Variants in PVT1 observed in about 807,000 individuals in gnomAD.
PVT1 encodes Pvt1 oncogene.
At chr8:127,880,687 G>T (rs115191594) in intron 2 of PVT1, among the ~76,000 whole-genome samples, 1,512 of 143,412 alleles carry the variant, frequency 0.011, 28 homozygotes, top group African/African-American at 0.037. Context: ...TGCAACTTCC[G>T]CCTGCTGGGT....
intron 5 of PVT1, among the ~76,000 whole-genome samples, chr8:128,089,102 G>C (rs940247342): frequency 1.3e-5 from 2 of 152,234 alleles, no homozygotes; most frequent in African/African-American, 4.8e-5. Flanking sequence ...AATGAGAGAA[G>C]TTATGTGTGG....
chr8:127,891,800 TC>T (rs962286679), intron 3 of PVT1, among the ~76,000 whole-genome samples: 1 of 152,196 alleles, frequency 6.6e-6, no homozygotes, highest in Non-Finnish European at 1.5e-5. Flanking sequence ...GGTCACAGTT[TC>T]CCTGCAGCCC....
chr8:127,945,485 G>T (rs182574216), intron 3 of PVT1, among the ~76,000 whole-genome samples: 13 of 152,262 alleles, frequency 8.5e-5, no homozygotes, highest in South Asian at 4.1e-4. Flanking sequence ...TCTCATGGGG[G>T]TGATGCCATT....
At chr8:127,901,748 G>GTT (rs60036236) in intron 3 of PVT1, among the ~76,000 whole-genome samples, 6 of 144,604 alleles carry the variant, frequency 4.1e-5, no homozygotes, top group Non-Finnish European at 9.2e-5. Flanking sequence ...TTTGAGAAGA[G>GTT]TTTTTTTTTT....
chr8:128,039,766 A>T (rs1411087959), intron 4 of PVT1, among the ~76,000 whole-genome samples: 1 of 152,188 alleles, frequency 6.6e-6, no homozygotes, highest in Admixed American at 6.5e-5. Flanking sequence ...AGTGGCAAAG[A>T]TGGAAAGACA....
intron 4 of PVT1, among the ~76,000 whole-genome samples, chr8:128,023,905 G>C (rs965180607): frequency 6.6e-6 from 1 of 152,184 alleles, no homozygotes; most frequent in Non-Finnish European, 1.5e-5. Context: ...AAAAAAAACA[G>C]CGGTCCCCAT....
intron 6 of PVT1, among the ~76,000 whole-genome samples, chr8:128,098,803 G>A (rs974068594): frequency 1.3e-5 from 2 of 152,098 alleles, no homozygotes; most frequent in African/African-American, 4.8e-5. Context: ...GTGCACCCTA[G>A]TGCCTTCTGC....
chr8:127,829,625 G>A (rs940660029), intron 2 of PVT1, among the ~76,000 whole-genome samples: 8 of 152,214 alleles, frequency 5.3e-5, no homozygotes, highest in African/African-American at 1.7e-4. Flanking sequence ...AGCTCTGCCA[G>A]TGTGGCAGTA....
chr8:128,091,707 G>A (rs887087654), intron 5 of PVT1, among the ~76,000 whole-genome samples: 1 of 152,140 alleles, frequency 6.6e-6, no homozygotes, highest in Non-Finnish European at 1.5e-5. Flanking sequence ...TACTTATCAG[G>A]ATAATATACA....
chr8:127,846,578 C>T (rs1815036212), intron 2 of PVT1, among the ~76,000 whole-genome samples: 1 of 152,180 alleles, frequency 6.6e-6, no homozygotes, highest in Non-Finnish European at 1.5e-5. Context: ...GCACCCACCA[C>T]CCACGGAGAC....
chr8:127,826,167 C>T (rs1814786993), intron 2 of PVT1, among the ~76,000 whole-genome samples: 1 of 151,938 alleles, frequency 6.6e-6, no homozygotes, highest in African/African-American at 2.4e-5. Flanking sequence ...CCAGCCTATC[C>T]TGTTTACCTA....
intron 2 of PVT1, among the ~76,000 whole-genome samples, chr8:127,845,974 C>T (rs778023747): frequency 1.3e-5 from 2 of 152,208 alleles, no homozygotes; most frequent in African/African-American, 2.4e-5. Flanking sequence ...CTGTTCTTAG[C>T]GGGGTCCCAG....
chr8:127,954,715 T>C (rs7829741), intron 3 of PVT1, among the ~76,000 whole-genome samples: 121 of 152,270 alleles, frequency 7.9e-4, no homozygotes, highest in African/African-American at 2.3e-3. Flanking sequence ...CCCAAAGTCA[T>C]ACAGTGTAGA....
intron 5 of PVT1, among the ~76,000 whole-genome samples, chr8:128,074,701 G>C (rs1182332515): frequency 6.6e-6 from 1 of 152,158 alleles, no homozygotes; most frequent in Non-Finnish European, 1.5e-5. Flanking sequence ...GGTTTTGAAA[G>C]GATTCCGTTA....
chr8:127,888,863 G>C (rs911644138), intron 2 of PVT1, among the ~76,000 whole-genome samples: 5 of 152,200 alleles, frequency 3.3e-5, no homozygotes, highest in Non-Finnish European at 5.9e-5. Context: ...GATCATAAGT[G>C]TGTGCTGTTT....
chr8:127,819,991 C>A (rs565929623), intron 2 of PVT1, among the ~76,000 whole-genome samples: 1 of 152,296 alleles, frequency 6.6e-6, no homozygotes, highest in East Asian at 1.9e-4. Flanking sequence ...TGAGATGATT[C>A]TAAGGGTGAG....
In PVT1 at chr8:127,952,965, CAT is replaced by C. The variant is rs1816524190; in HGVS notation, n.783-36196_783-36195del. Among the ~76,000 whole-genome samples the C allele has an allele frequency of 2.6e-5, 4 of 152,228 alleles. No individual in the cohort carries two copies. In the South Asian group the frequency reaches 8.3e-4, roughly 32 times the overall value. Reference sequence around the variant, plus strand: ...GTTTTTAGTAGAGACGGGGTTTCACCATGTTGGCCAGGATGGTCTCGATCTCC... The same window carrying C: ...GTTTTTAGTAGAGACGGGGTTTCACCGTTGGCCAGGATGGTCTCGATCTCC... On this transcript the variant is annotated intron_variant and non_coding_transcript_variant, in intron 3 of 10. Transcript: ENST00000651587.
Position 127,907,630 on chromosome 8 carries a change from T to C in PVT1, n.782+16632T>C, listed in dbSNP as rs7841511. ...CACCACTGAAATAGTTCAGACCGTA[T>C]TGTCAGTGAATTCCTGGATTAGTAT... On this transcript the variant is annotated intron_variant and non_coding_transcript_variant, in intron 3 of 10. Coordinates refer to ENST00000651587, the Ensembl canonical transcript of PVT1. 2.4e-3 allele frequency among the ~76,000 whole-genome samples: 373 copies of C among 152,276 alleles called. 1 individual carries two copies. Among genetic ancestry groups the C allele is most frequent in the African/African-American group, 8.8e-3 (365 of 41,558 alleles).
At chr8:127,835,839 G>A (rs1171953210) in intron 2 of PVT1, among the ~76,000 whole-genome samples, 2 of 152,236 alleles carry the variant, frequency 1.3e-5, no homozygotes, top group African/African-American at 4.8e-5. Context: ...GACTATGCAG[G>A]CCTAAGATTG....
Sources: gnomAD v4.1 joint callset for allele counts (sites outside exome capture counted in the v4.1 genomes callset) on GRCh38, gnomAD v4.1.1 for gene constraint, MANE v1.5 for transcripts, NCBI Gene and HGNC (gene_info 2026-07-23, HGNC 2026-07-21) for gene names.